CNTNAP5: variants seen among roughly 807,000 people sequenced by gnomAD.
The protein encoded by CNTNAP5 is contactin associated protein family member 5.
A neutral mutation model predicts 150.2 loss-of-function variants in CNTNAP5; 72 were observed. That is an observed-to-expected ratio of 0.48 (90% CI 0.40 to 0.58). The LOEUF (loss-of-function observed/expected upper bound fraction) is 0.58. Ranked by LOEUF, CNTNAP5 falls within the 20% of genes least tolerant of loss-of-function variation. The pLI is 0.00. For missense variants in CNTNAP5, 1,636 were observed against 1,626.2 expected (o/e 1.01, Z -0.10); for synonymous variants, 672 against 619.8 (o/e 1.08, Z -1.25).
intron 10 of CNTNAP5, among the ~76,000 whole-genome samples, chr2:124,544,392 G>T (rs1857694): frequency 0.42 from 63,304 of 152,094 alleles, 13,644 homozygotes; most frequent in East Asian, 0.64. Context: ...AGCCCATTCT[G>T]TGTTGCAACA....
intron 13 of CNTNAP5, among the ~76,000 whole-genome samples, chr2:124,731,938 A>G (rs1332356467): frequency 1.3e-5 from 2 of 151,972 alleles, no homozygotes; most frequent in East Asian, 3.9e-4. Flanking sequence ...AGAGTTTATT[A>G]TATAAACACA....
chr2:124,531,550 G>A (rs1695109910), intron 10 of CNTNAP5, among the ~76,000 whole-genome samples: 1 of 152,194 alleles, frequency 6.6e-6, no homozygotes, highest in African/African-American at 2.4e-5. Flanking sequence ...CTATCCCTGA[G>A]TAGGATATGA....
intron 7 of CNTNAP5, among the ~76,000 whole-genome samples, chr2:124,477,807 A>G (rs1176720674): frequency 6.6e-6 from 1 of 152,030 alleles, no homozygotes; most frequent in Admixed American, 6.6e-5. Flanking sequence ...TTGTGATTGG[A>G]GCAGGGGCAC....
chr2:124,604,707 C>T (rs1005912528), intron 11 of CNTNAP5, among the ~76,000 whole-genome samples: 1 of 152,130 alleles, frequency 6.6e-6, no homozygotes, highest in African/African-American at 2.4e-5. Flanking sequence ...ATTTTATGAA[C>T]TCATTTACAG....
At chr2:124,167,778 G>T (rs1281792203) in intron 1 of CNTNAP5, among the ~76,000 whole-genome samples, 1 of 152,162 alleles carries the variant, frequency 6.6e-6, no homozygotes, top group East Asian at 1.9e-4. Flanking sequence ...CATATACAAA[G>T]AACTACCTTC....
chr2:124,771,017 C>T (rs1244751212), intron 16 of CNTNAP5, among the ~76,000 whole-genome samples: 1 of 152,172 alleles, frequency 6.6e-6, no homozygotes, highest in Non-Finnish European at 1.5e-5. Flanking sequence ...TACTACCTTT[C>T]CTTTAGGCCA....
At chr2:124,053,974 T>C (rs1681778086) in intron 1 of CNTNAP5, among the ~76,000 whole-genome samples, 1 of 152,146 alleles carries the variant, frequency 6.6e-6, no homozygotes, top group Non-Finnish European at 1.5e-5. Context: ...TGCTGAGGAA[T>C]TGGAATGAAA....
chr2:124,363,971 G>A (rs114121455), intron 3 of CNTNAP5, among the ~76,000 whole-genome samples: 6 of 152,188 alleles, frequency 3.9e-5, no homozygotes, highest in Non-Finnish European at 7.4e-5. Flanking sequence ...CTTCTACCAC[G>A]TATCTCCTTG....
At position 124,190,350 on chromosome 2, in the gene CNTNAP5, A is replaced by G. The variant is rs146012039; in HGVS notation, c.83-31355A>G. 2.0e-4 allele frequency among the ~76,000 whole-genome samples: 30 copies of G among 152,286 alleles called. No individual in the cohort carries two copies. In the East Asian group the frequency reaches 5.6e-3, roughly 29 times the overall value. On this transcript the variant is annotated intron_variant, in intron 1 of 23. Coordinates refer to ENST00000682447, the MANE Select transcript of CNTNAP5 (RefSeq NM_001367498.1). ...CTAAACACAATAATGGATCGTAGCC[A>G]ATGCTAAAGGTTCCATTAGGGAGGA...
chr2:124,435,429 G>A (rs1481109710), intron 5 of CNTNAP5, among the ~76,000 whole-genome samples: 1 of 151,848 alleles, frequency 6.6e-6, no homozygotes, highest in African/African-American at 2.4e-5. Context: ...GGTAAGCTGA[G>A]TACAAAAGGC....
chr2:124,747,041 A>G (rs1680617502), intron 13 of CNTNAP5, among the ~76,000 whole-genome samples, 188 bp from the exon 14 acceptor site: 1 of 152,130 alleles, frequency 6.6e-6, no homozygotes. Flanking sequence ...AAATGAGATA[A>G]CGAAACAAAG....
rs753227970 is a variant in CNTNAP5, at chr2:124,762,748, G to C, written c.2235-924G>C. ...CCTTAAAGACCTGGGGTAGATACTGGGGATACCAAGAATGTGGCATTGTCC... is the reference window on the plus strand; with the variant it reads ...CCTTAAAGACCTGGGGTAGATACTGCGGATACCAAGAATGTGGCATTGTCC... On this transcript the variant is annotated intron_variant, in intron 14 of 23. Transcript: ENST00000682447. Among the ~76,000 whole-genome samples, 8 of 152,036 alleles carry C rather than the reference G, an allele frequency of 5.3e-5. No homozygotes were observed. In the South Asian group the frequency reaches 6.2e-4, roughly 12 times the overall value.
At chr2:124,306,256 C>T (rs1015690109) in intron 3 of CNTNAP5, among the ~76,000 whole-genome samples, 6 of 152,154 alleles carry the variant, frequency 3.9e-5, no homozygotes, top group Admixed American at 1.3e-4. Flanking sequence ...TGCTCCCAGT[C>T]GCTCCCACCC....
At position 124,485,612 on chromosome 2, in the gene CNTNAP5, C is replaced by CAAA. The variant is rs576700912; in HGVS notation, c.1062+10750_1062+10752dup. ...TGGGCGACACAGAAAGACTCTGTCT[C>CAAA]AAAAAAAAAAAAAAAAAAAAAAGAA... On this transcript the variant is annotated intron_variant, in intron 7 of 23. Coordinates refer to ENST00000682447, the MANE Select transcript of CNTNAP5 (RefSeq NM_001367498.1). Among the ~76,000 whole-genome samples the CAAA allele has an allele frequency of 1.2e-3, 64 of 52,088 alleles. 1 individual carries two copies. Among genetic ancestry groups the CAAA allele is most frequent in the East Asian group, 4.4e-3 (7 of 1,576 alleles). 34.2% of individuals were successfully genotyped at this position (52,088 alleles called of 152,430 possible).
chr2:124,870,400 TC>T (rs1429293575), intron 21 of CNTNAP5, among the ~76,000 whole-genome samples: 2 of 152,240 alleles, frequency 1.3e-5, no homozygotes, highest in Non-Finnish European at 2.9e-5. Flanking sequence ...TCATTCTTTT[TC>T]TTTCAATTTT....
chr2:124,540,569 A>T lies in CNTNAP5; in HGVS notation c.1649+13113A>T, dbSNP rs535636470. Among the ~76,000 whole-genome samples, 24 of 152,348 alleles carry T rather than the reference A, an allele frequency of 1.6e-4. No individual in the cohort carries two copies. The East Asian group carries it at 4.4e-3, about 28-fold the overall frequency. On this transcript the variant is annotated intron_variant, in intron 10 of 23. Coordinates refer to ENST00000682447, the MANE Select transcript of CNTNAP5 (RefSeq NM_001367498.1). ...ACCAGGCACATTTCTTTGCCTGAACATCCAAAAGTGAGCAAGACAGAGAGT... is the reference window on the plus strand; with the variant it reads ...ACCAGGCACATTTCTTTGCCTGAACTTCCAAAAGTGAGCAAGACAGAGAGT...
At chr2:124,160,940 C>A (rs192715113) in intron 1 of CNTNAP5, among the ~76,000 whole-genome samples, 1 of 152,120 alleles carries the variant, frequency 6.6e-6, no homozygotes. Context: ...TATATCCTGC[C>A]AGTTTCACAA....
chr2:124,398,584 C>A (rs575268072), intron 3 of CNTNAP5, among the ~76,000 whole-genome samples: 3 of 152,188 alleles, frequency 2.0e-5, no homozygotes, highest in Admixed American at 6.5e-5. Flanking sequence ...ACAACCTCTG[C>A]CTCCCAGGTT....
At chr2:124,511,053 T>C (rs1694577318) in intron 8 of CNTNAP5, among the ~76,000 whole-genome samples, 1 of 152,264 alleles carries the variant, frequency 6.6e-6, no homozygotes. Flanking sequence ...GCAATAGATA[T>C]CATGTTCTAT....
Sources: gnomAD v4.1 joint callset for allele counts (sites outside exome capture counted in the v4.1 genomes callset) on GRCh38, gnomAD v4.1.1 for gene constraint, MANE v1.5 for transcripts, NCBI Gene and HGNC (gene_info 2026-07-23, HGNC 2026-07-21) for gene names.